CEMIP2: variants seen among roughly 807,000 people sequenced by gnomAD.
The protein encoded by CEMIP2 is cell surface hyaluronidase CEMIP2.
In CEMIP2, 79 loss-of-function variants were observed where a neutral mutation model predicts 146.9. The ratio of observed to expected loss-of-function variants is 0.54; its 90% confidence interval spans 0.45 to 0.65. The LOEUF (loss-of-function observed/expected upper bound fraction) is 0.65. CEMIP2 is among the 30% of genes least tolerant of loss of function. CEMIP2 has a pLI of 0.00. For synonymous variants in CEMIP2, 601 were observed against 606.3 expected, an observed-to-expected ratio of 0.99 and a Z score of 0.13; for missense variants, 1,596 against 1,696.2, an observed-to-expected ratio of 0.94 and a Z score of 1.04.
chr9:71,685,874 C>T (rs912087191), intron 22 of CEMIP2, 28 bp from the exon 23 acceptor site: 2 of 1,527,844 alleles, frequency 1.3e-6, no homozygotes, highest in Non-Finnish European at 1.8e-6. Flanking sequence ...AAAGTCAGAG[C>T]CAATTTCAAT....
rs1052379814 is a variant in CEMIP2, at chr9:71,684,539, T to G, written c.*658A>C. On this transcript the variant is annotated 3_prime_UTR_variant, in exon 24 of 24. Transcript: ENST00000377044. ...AATTTTTTGCCCAATGGTCACAGAT[T>G]AAAGGGATATCTAATCCCCAAGAGC... is the stretch of plus-strand genomic sequence containing the variant. The G allele has an allele frequency of 6.6e-6, 1 of 152,608 alleles. No homozygotes were observed. The highest frequency in any genetic ancestry group is 2.4e-5 in the African/African-American group (1 of 41,426). 9.5% of individuals were successfully genotyped at this position (152,608 alleles called of 1,614,324 possible).
At chr9:71,692,626 T>A (rs1393060435) in intron 21 of CEMIP2, among the ~76,000 whole-genome samples, 2 of 152,144 alleles carry the variant, frequency 1.3e-5, no homozygotes, top group East Asian at 3.9e-4. Context: ...GAAGAAACTT[T>A]AACCTGGTGT....
chr9:71,724,140 C>T lies in CEMIP2; in HGVS notation c.2178+1441G>A, dbSNP rs144944659. Reference sequence around the variant, plus strand: ...TGAAACCCTGTCTCTACTAAAAATACAAAAATTAGCTGGGCATGGTGGCAG... The same window carrying T: ...TGAAACCCTGTCTCTACTAAAAATATAAAAATTAGCTGGGCATGGTGGCAG... On this transcript the variant is annotated intron_variant, in intron 11 of 23. Transcript: ENST00000377044. Among the ~76,000 whole-genome samples the T allele has an allele frequency of 3.3e-3, 496 of 151,948 alleles. 5 individuals carry two copies. The highest frequency in any genetic ancestry group is 0.02 in the Admixed American group (306 of 15,266).
At chr9:71,745,722 G>A (rs1165809866) in intron 3 of CEMIP2, 143 bp from the exon 4 acceptor site, 2 of 838,882 alleles carry the variant, frequency 2.4e-6, no homozygotes, top group Non-Finnish European at 1.8e-6. Context: ...AAAACTAAAG[G>A]GAAAAATGAA....
chr9:71,749,835 G>A (rs1231269322), intron 2 of CEMIP2, among the ~76,000 whole-genome samples: 1 of 152,184 alleles, frequency 6.6e-6, no homozygotes, highest in Admixed American at 6.5e-5. Context: ...CAACAAAGTG[G>A]CACAATGGAC....
intron 1 of CEMIP2, among the ~76,000 whole-genome samples, chr9:71,759,490 A>G (rs1200060727): frequency 1.3e-5 from 2 of 152,338 alleles, no homozygotes; most frequent in Middle Eastern, 3.4e-3. Flanking sequence ...CTTCAGAAGG[A>G]AAACCCAACT....
intron 14 of CEMIP2, among the ~76,000 whole-genome samples, chr9:71,715,897 A>G (rs114535726): frequency 1.7e-3 from 261 of 151,958 alleles, no homozygotes; most frequent in African/African-American, 6.1e-3. Flanking sequence ...AACTGCTGAG[A>G]TTACAGGTGT....
intron 19 of CEMIP2, chr9:71,699,423 C>A (rs1235271359): frequency 4.5e-6 from 2 of 448,496 alleles, no homozygotes; most frequent in Admixed American, 2.4e-5. Flanking sequence ...TGCACTCCAG[C>A]CTGGGCAACA....
Position 71,729,890 on chromosome 9 carries a change from A to G in CEMIP2, c.2004T>C (p.Ala668=). The G allele has an allele frequency of 1.2e-6, 2 of 1,614,206 alleles. No homozygotes were observed. Among genetic ancestry groups the G allele is most frequent in the Non-Finnish European group, 1.7e-6 (2 of 1,180,020 alleles). Residue 668 remains alanine (A), a synonymous_variant, in exon 10 of 24, where the codon GCT becomes GCC. Transcript: ENST00000377044. Reference sequence around the variant, plus strand: ...TATTAATCAGATTATTGTTGGGATGAGCAATCCAGAAAGTTGAAACAGCCC... The same window carrying G: ...TATTAATCAGATTATTGTTGGGATGGGCAATCCAGAAAGTTGAAACAGCCC... The part of the protein sequence containing the change: ...DCMAVSTFWI[A]HPNNNLINNA...
Position 71,730,898 on chromosome 9 carries a change from G to A in CEMIP2, c.1580C>T (p.Thr527Ile), listed in dbSNP as rs1424074528. The change falls in exon 8 of 24, where the codon ACT becomes ATT. Residue 527 changes from threonine (T) to isoleucine (I), a missense_variant. By Grantham distance (89) the Thr-to-Ile change is moderately conservative. Coordinates refer to ENST00000377044, the MANE Select transcript of CEMIP2 (RefSeq NM_013390.3). ...TTCCACATAAGAAAGATGGACTGAA[G>A]TAAAATTTTTCATTATCTGTAAGTC... ...GGHIMIMKNF[T>I]SVHLSYVELK... is the part of the protein sequence containing the mutation. 3.7e-6 allele frequency: 6 copies of A among 1,614,022 alleles called. No individual in the cohort carries two copies. Among genetic ancestry groups the A allele is most frequent in the Non-Finnish European group, 5.1e-6 (6 of 1,180,016 alleles).
intron 10 of CEMIP2, among the ~76,000 whole-genome samples, chr9:71,728,276 T>C (rs1411377937): frequency 6.2e-4 from 6 of 9,750 alleles, no homozygotes; most frequent in Non-Finnish European, 1.2e-3. Flanking sequence ...TATATATATA[T>C]ATATGTATAT....
rs1009356605 is a variant in CEMIP2, at chr9:71,685,107, G to A, written c.*90C>T. 21 of 1,286,686 alleles carry A rather than the reference G, an allele frequency of 1.6e-5. No homozygotes were observed. The highest frequency in any genetic ancestry group is 4.9e-5 in the East Asian group (2 of 40,846). 79.7% of individuals were successfully genotyped at this position (1,286,686 alleles called of 1,614,324 possible). A position where few individuals can be genotyped will look rare whatever the true frequency, so the allele number is the denominator to read the frequency against. On this transcript the variant is annotated 3_prime_UTR_variant, in exon 24 of 24. Transcript: ENST00000377044. The stretch of plus-strand genomic sequence containing the variant: ...CTGTATCAAACTGGAAAATGGTTCC[G>A]TTGGGTTAACAGTGTCATTTTAAAA...
rs114500941 is a variant in CEMIP2, at chr9:71,695,616, G to T, written c.3598-1009C>A. Reference sequence around the variant, plus strand: ...TTGAGCCTGGGCGATGAAGGTTGCAGTGAGCTGAGATCGTACCACTGCTCT... The same window carrying T: ...TTGAGCCTGGGCGATGAAGGTTGCATTGAGCTGAGATCGTACCACTGCTCT... On this transcript the variant is annotated intron_variant, in intron 20 of 23. Coordinates refer to ENST00000377044, the MANE Select transcript of CEMIP2 (RefSeq NM_013390.3). Among the ~76,000 whole-genome samples, 1,344 of 152,240 alleles carry T rather than the reference G, an allele frequency of 8.8e-3. 28 individuals are homozygous for T. The highest frequency in any genetic ancestry group is 0.03 in the African/African-American group (1,263 of 41,530).
At chr9:71,751,101 T>C (rs2132021667) in intron 1 of CEMIP2, among the ~76,000 whole-genome samples, 1 of 152,346 alleles carries the variant, frequency 6.6e-6, no homozygotes. Context: ...TTGTGTTAAA[T>C]ATACCATAAA....
intron 4 of CEMIP2, 98 bp downstream of exon 4, chr9:71,744,920 C>G (rs1436542885): frequency 1.5e-6 from 2 of 1,330,038 alleles, no homozygotes; most frequent in Non-Finnish European, 2.1e-6. Flanking sequence ...CCTTCTGATG[C>G]CTGAGTCATG....
chr9:71,734,018 T>C (rs1349468796), intron 6 of CEMIP2, among the ~76,000 whole-genome samples: 6 of 152,080 alleles, frequency 3.9e-5, no homozygotes, highest in Non-Finnish European at 7.4e-5. Flanking sequence ...CTAATGTTTT[T>C]TGTATATTTA....
In CEMIP2 at chr9:71,745,063, A is replaced by C; in HGVS notation, c.989T>G (p.Ile330Ser). The C allele has an allele frequency of 6.2e-7, 1 of 1,614,094 alleles. No individual in the cohort carries two copies. The highest frequency in any genetic ancestry group is 8.5e-7 in the Non-Finnish European group (1 of 1,179,992). ...KSLLQGTIQM[I>S]QERLGSELIQ... The stretch of plus-strand genomic sequence containing the variant: ...CAGTTCACTTCCCAACCGTTCCTGG[A>C]TCATCTGGATGGTTCCTTGTAAGAG... The change falls in exon 4 of 24, where the codon ATC (isoleucine) becomes AGC (serine). Residue 330 changes from isoleucine (I) to serine (S), a missense_variant. Ile to Ser is a moderately radical substitution (Grantham distance 142). Coordinates refer to ENST00000377044, the MANE Select transcript of CEMIP2 (RefSeq NM_013390.3).
At chr9:71,723,252 C>T (rs541834589) in intron 11 of CEMIP2, among the ~76,000 whole-genome samples, 1 of 147,944 alleles carries the variant, frequency 6.8e-6, no homozygotes, top group South Asian at 2.1e-4. Flanking sequence ...TGATGTGCTA[C>T]AGAAGTCAGG....
chr9:71,755,186 C>CTT (rs34989743), intron 1 of CEMIP2, among the ~76,000 whole-genome samples: 10,903 of 127,714 alleles, frequency 0.085, 587 homozygotes, highest in South Asian at 0.19. Flanking sequence ...GGAAATCATG[C>CTT]TTTTTTTTTT....
Sources: allele counts gnomAD v4.1 joint callset (sites outside exome capture counted in the v4.1 genomes callset), GRCh38; gene constraint gnomAD v4.1.1; transcripts MANE v1.5; gene names NCBI Gene and HGNC (gene_info 2026-07-23, HGNC 2026-07-21).